The following EFCAB11 variants were observed in gnomAD, a reference collection of about 807,000 sequenced individuals.
EFCAB11 encodes the protein EF-hand calcium binding domain 11.
In EFCAB11, 14 loss-of-function variants were observed where a neutral mutation model predicts 23.0. The observed-to-expected ratio is 0.61, with a 90% CI of 0.40 to 0.95. The LOEUF is 0.95. EFCAB11 is among the 40% of genes least tolerant of loss of function. The pLI is 0.00. For synonymous variants in EFCAB11, 65 were observed against 66.6 expected (o/e 0.98, Z 0.11); for missense variants, 198 against 195.8 (o/e 1.01, Z -0.07).
chr14:89,954,025 G>A (rs1327324146), intron 1 of EFCAB11, 24 bp from the exon 2 acceptor site: 1 of 1,565,574 alleles, frequency 6.4e-7, no homozygotes, highest in South Asian at 1.1e-5. Flanking sequence ...AATAGCTTTA[G>A]TTAATGAGAC....
intron 5 of EFCAB11, among the ~76,000 whole-genome samples, chr14:89,834,543 C>T (rs911598908): frequency 1.4e-4 from 21 of 152,264 alleles, no homozygotes; most frequent in African/African-American, 2.6e-4. Context: ...AAGCCGCCTC[C>T]GGCAGAACTC....
chr14:89,887,278 G>C (rs1337951374), intron 5 of EFCAB11, among the ~76,000 whole-genome samples: 1 of 152,168 alleles, frequency 6.6e-6, no homozygotes, highest in Non-Finnish European at 1.5e-5. Flanking sequence ...ACTTTGGATA[G>C]GAAAGGCCTC....
chr14:89,859,886 T>C (rs1244845258), intron 5 of EFCAB11, among the ~76,000 whole-genome samples: 1 of 152,160 alleles, frequency 6.6e-6, no homozygotes, highest in African/African-American at 2.4e-5. Context: ...TAGCCATGCA[T>C]TCTGAGCTTT....
At chr14:89,835,388 T>A (rs1887040485) in intron 5 of EFCAB11, among the ~76,000 whole-genome samples, 1 of 152,198 alleles carries the variant, frequency 6.6e-6, no homozygotes, top group Non-Finnish European at 1.5e-5. Context: ...CAAAATTCAC[T>A]GATACTTTAT....
At chr14:89,827,628 CTTTTTTTTT>C (rs36007256) in intron 5 of EFCAB11, among the ~76,000 whole-genome samples, 3 of 105,116 alleles carry the variant, frequency 2.9e-5, no homozygotes, top group Non-Finnish European at 3.7e-5. Flanking sequence ...TTTATTCACT[CTTTTTTTTT>C]TTTTTTTTTT....
chr14:89,951,773 A>C (rs949195747), intron 2 of EFCAB11, among the ~76,000 whole-genome samples: 1 of 151,798 alleles, frequency 6.6e-6, no homozygotes, highest in Non-Finnish European at 1.5e-5. Context: ...AAAAAGAAAA[A>C]AAAGAACCGG....
chr14:89,891,997 C>A, intron 5 of EFCAB11: 1 of 1,500,024 alleles, frequency 6.7e-7, no homozygotes, highest in Non-Finnish European at 8.9e-7. Context: ...AGCTCTGGGA[C>A]ACCGCGGGCC....
At chr14:89,829,367 A>G (rs1886811352) in intron 5 of EFCAB11, among the ~76,000 whole-genome samples, 1 of 152,246 alleles carries the variant, frequency 6.6e-6, no homozygotes, top group Non-Finnish European at 1.5e-5. Flanking sequence ...AGTGCGTTAA[A>G]TCTTAGATTA....
chr14:89,894,852 T>G (rs1889109150), intron 5 of EFCAB11, among the ~76,000 whole-genome samples: 1 of 152,154 alleles, frequency 6.6e-6, no homozygotes, highest in Non-Finnish European at 1.5e-5. Context: ...AAAACATAAT[T>G]TTCAAAAGCT....
chr14:89,918,549 A>AAAG (rs530086656), intron 5 of EFCAB11, among the ~76,000 whole-genome samples: 3 of 151,652 alleles, frequency 2.0e-5, no homozygotes, highest in South Asian at 2.1e-4. Context: ...AAAAAAAAAA[A>AAAG]AAGAAGAAGA....
At chr14:89,857,523 A>G (rs1272097781) in intron 5 of EFCAB11, among the ~76,000 whole-genome samples, 1 of 151,018 alleles carries the variant, frequency 6.6e-6, no homozygotes, top group African/African-American at 2.4e-5. Flanking sequence ...TTTTTTTCTG[A>G]AAGTTCCTAT....
intron 5 of EFCAB11, among the ~76,000 whole-genome samples, chr14:89,816,421 T>C (rs374287483): frequency 6.6e-6 from 1 of 152,310 alleles, no homozygotes; most frequent in South Asian, 2.1e-4. Flanking sequence ...GATTAAAAAT[T>C]TGTGAACTAA....
At chr14:89,927,489 T>G (rs1400251139) in intron 5 of EFCAB11, among the ~76,000 whole-genome samples, 2 of 152,186 alleles carry the variant, frequency 1.3e-5, no homozygotes, top group Non-Finnish European at 2.9e-5. Flanking sequence ...TGCTAGTCAA[T>G]TAAGTGAAAA....
At chr14:89,806,846 T>C (rs1355569666) in intron 5 of EFCAB11, among the ~76,000 whole-genome samples, 2 of 152,238 alleles carry the variant, frequency 1.3e-5, no homozygotes, top group Non-Finnish European at 2.9e-5. Flanking sequence ...ATCTTAGTTA[T>C]ACAACTAGTA....
intron 5 of EFCAB11, among the ~76,000 whole-genome samples, chr14:89,864,158 C>T (rs1384237220): frequency 6.6e-6 from 1 of 152,164 alleles, no homozygotes; most frequent in Non-Finnish European, 1.5e-5. Context: ...CATACTTAGC[C>T]AATTTTAAAT....
At chr14:89,935,597 AG>A (rs1250571791) in intron 3 of EFCAB11, among the ~76,000 whole-genome samples, 1 of 152,174 alleles carries the variant, frequency 6.6e-6, no homozygotes, top group African/African-American at 2.4e-5. Context: ...GTTTTAGAGC[AG>A]GTATAATGGC....
chr14:89,832,128 C>CA lies in EFCAB11; in HGVS notation c.411-34805dup, dbSNP rs549699143. ...ATGAGTTCGAGACCAGCCTGGCCAACATGGTGAAACCCCATCTCTACTAAA... is the reference window on the plus strand; with the variant it reads ...ATGAGTTCGAGACCAGCCTGGCCAACAATGGTGAAACCCCATCTCTACTAAA... On this transcript the variant is annotated intron_variant, in intron 5 of 5. Transcript: ENST00000316738. Among the ~76,000 whole-genome samples the CA allele has an allele frequency of 4.2e-3, 632 of 152,226 alleles. 4 individuals carry two copies. The highest frequency in any genetic ancestry group is 6.8e-3 in the Non-Finnish European group (461 of 68,022).
chr14:89,840,192 A>G (rs1319770146), intron 5 of EFCAB11, among the ~76,000 whole-genome samples: 1 of 152,258 alleles, frequency 6.6e-6, no homozygotes, highest in Non-Finnish European at 1.5e-5. Flanking sequence ...CTGCAATATG[A>G]CATTAAAGCA....
intron 5 of EFCAB11, among the ~76,000 whole-genome samples, chr14:89,854,654 G>A (rs1111757): frequency 0.65 from 98,119 of 151,800 alleles, 33,706 homozygotes; most frequent in Non-Finnish European, 0.79. Flanking sequence ...TCCAAAAGAC[G>A]CCTTAAATAC....
Sources: gnomAD v4.1 joint callset for allele counts (sites outside exome capture counted in the v4.1 genomes callset) on GRCh38, gnomAD v4.1.1 for gene constraint, MANE v1.5 for transcripts, NCBI Gene and HGNC (gene_info 2026-07-23, HGNC 2026-07-21) for gene names.